TMEM178B: variants seen among roughly 807,000 people sequenced by gnomAD.
TMEM178B encodes transmembrane protein 178B.
A neutral mutation model predicts 31.0 loss-of-function variants in TMEM178B; 5 were observed. That is an observed-to-expected ratio of 0.16 (90% CI 0.08 to 0.34). The LOEUF is 0.34. Among genes scored for constraint, TMEM178B ranks in the 10% least tolerant of loss-of-function variants. The pLI, the probability that TMEM178B is intolerant of heterozygous loss-of-function variation, is 1.00. For synonymous variants in TMEM178B, 164 were observed against 164.0 expected, an observed-to-expected ratio of 1.00 and a Z score of 0.00; for missense variants, 275 against 400.3, an observed-to-expected ratio of 0.69 and a Z score of 2.67.
At chr7:141,154,591 A>G (rs1224847350) in intron 1 of TMEM178B, among the ~76,000 whole-genome samples, 1 of 152,178 alleles carries the variant, frequency 6.6e-6, no homozygotes, top group African/African-American at 2.4e-5. Context: ...GTTTTCCAGT[A>G]AACATTGGAT....
At chr7:141,156,208 T>G (rs1796067396) in intron 1 of TMEM178B, among the ~76,000 whole-genome samples, 1 of 152,222 alleles carries the variant, frequency 6.6e-6, no homozygotes, top group Non-Finnish European at 1.5e-5. Context: ...ACCAGCTCTG[T>G]AACTGGGGGA....
the TMEM178B span, among the ~76,000 whole-genome samples, chr7:141,497,700 C>T: frequency 6.6e-6 from 1 of 152,334 alleles, no homozygotes; most frequent in Non-Finnish European, 1.5e-5. Context: ...CCTGATTTTC[C>T]ATGACTGGCT....
At chr7:141,286,530 A>G (rs1186631261) in intron 2 of TMEM178B, among the ~76,000 whole-genome samples, 2 of 152,218 alleles carry the variant, frequency 1.3e-5, no homozygotes, top group South Asian at 2.1e-4. Flanking sequence ...CCTGGCTATC[A>G]TATTGTTTGA....
At chr7:141,238,957 G>A (rs1380442195) in intron 2 of TMEM178B, among the ~76,000 whole-genome samples, 1 of 152,204 alleles carries the variant, frequency 6.6e-6, no homozygotes, top group Non-Finnish European at 1.5e-5. Flanking sequence ...GCTCTTGGCT[G>A]TCAGGATTTC....
intron 2 of TMEM178B, among the ~76,000 whole-genome samples, chr7:141,364,537 G>A (rs988424968): frequency 6.6e-6 from 1 of 151,972 alleles, no homozygotes; most frequent in African/African-American, 2.4e-5. Flanking sequence ...GCACGTGCCT[G>A]TAGTCCCAGC....
intron 2 of TMEM178B, among the ~76,000 whole-genome samples, chr7:141,289,021 CCTG>C (rs767998630): frequency 5.9e-5 from 9 of 152,168 alleles, no homozygotes; most frequent in Non-Finnish European, 1.2e-4. Context: ...AAAATTTTCT[CCTG>C]CTGGTCTGAC....
intron 2 of TMEM178B, among the ~76,000 whole-genome samples, chr7:141,257,400 C>CA (rs1797944745): frequency 1.3e-5 from 2 of 152,268 alleles, no homozygotes; most frequent in Admixed American, 1.3e-4. Context: ...GATGTTGACA[C>CA]AAAAAATCTG....
intron 2 of TMEM178B, among the ~76,000 whole-genome samples, chr7:141,246,869 C>T (rs1797739595): frequency 6.6e-6 from 1 of 152,124 alleles, no homozygotes; most frequent in South Asian, 2.1e-4. Context: ...GGAGCATGTC[C>T]AGCCACCCCC....
chr7:141,121,393 C>T (rs1795405062), intron 1 of TMEM178B, among the ~76,000 whole-genome samples: 1 of 152,126 alleles, frequency 6.6e-6, no homozygotes, highest in Non-Finnish European at 1.5e-5. Flanking sequence ...GTTCCGTTTC[C>T]CCTTTGCAGA....
intron 2 of TMEM178B, among the ~76,000 whole-genome samples, chr7:141,243,902 C>T (rs1427946239): frequency 2.6e-5 from 4 of 152,190 alleles, no homozygotes; most frequent in Non-Finnish European, 5.9e-5. Flanking sequence ...AAACATGTAT[C>T]CACCACTGAA....
intron 3 of TMEM178B, among the ~76,000 whole-genome samples, chr7:141,464,523 T>A (rs1188963856): frequency 6.6e-6 from 1 of 152,208 alleles, no homozygotes; most frequent in African/African-American, 2.4e-5. Context: ...CTGCCTAGAG[T>A]ATAAGCTTTT....
At chr7:141,500,774 A>C in the TMEM178B span, among the ~76,000 whole-genome samples, 2 of 152,196 alleles carry the variant, frequency 1.3e-5, no homozygotes, top group Admixed American at 1.3e-4. Context: ...TCTGACTAGA[A>C]TAGATCCACC....
At chr7:141,360,904 G>GA (rs137855582) in intron 2 of TMEM178B, among the ~76,000 whole-genome samples, 5,930 of 148,558 alleles carry the variant, frequency 0.04, 129 homozygotes, top group South Asian at 0.077. Context: ...CATGGTGGAA[G>GA]AAAAAAAAAA....
intron 2 of TMEM178B, among the ~76,000 whole-genome samples, chr7:141,425,537 G>T (rs1246466526): frequency 6.6e-6 from 1 of 152,222 alleles, no homozygotes; most frequent in Non-Finnish European, 1.5e-5. Flanking sequence ...CTGAGCTGCA[G>T]TTTCCTTTCA....
intron 1 of TMEM178B, among the ~76,000 whole-genome samples, chr7:141,146,292 C>T (rs544023363): frequency 6.6e-6 from 1 of 152,220 alleles, no homozygotes; most frequent in Non-Finnish European, 1.5e-5. Context: ...TTACTTCCTT[C>T]TATTCCATGC....
intron 2 of TMEM178B, among the ~76,000 whole-genome samples, chr7:141,320,224 C>A (rs1371984736): frequency 2.0e-5 from 3 of 152,118 alleles, no homozygotes; most frequent in African/African-American, 7.2e-5. Flanking sequence ...AAATGTGAGT[C>A]AATTAAACCT....
chr7:141,095,757 G>A (rs1304203080), intron 1 of TMEM178B, among the ~76,000 whole-genome samples: 3 of 152,178 alleles, frequency 2.0e-5, no homozygotes, highest in Non-Finnish European at 4.4e-5. Flanking sequence ...GAAGACCTGA[G>A]GCTCAAAAAT....
intron 1 of TMEM178B, among the ~76,000 whole-genome samples, chr7:141,169,903 A>G (rs983110115): frequency 6.6e-6 from 1 of 152,232 alleles, no homozygotes; most frequent in African/African-American, 2.4e-5. Flanking sequence ...TCAATAGTGT[A>G]TGTTCCCTTC....
chr7:141,144,872 C>CT (rs1028696436), intron 1 of TMEM178B, among the ~76,000 whole-genome samples: 1 of 152,024 alleles, frequency 6.6e-6, no homozygotes, highest in African/African-American at 2.4e-5. Context: ...ACCGACGTTG[C>CT]TTTTTTTCAC....
Sources: allele counts gnomAD v4.1 joint callset (sites outside exome capture counted in the v4.1 genomes callset), GRCh38; gene constraint gnomAD v4.1.1; transcripts MANE v1.5; gene names NCBI Gene and HGNC (gene_info 2026-07-23, HGNC 2026-07-21).